STK32B: variants seen among roughly 807,000 people sequenced by gnomAD.
The protein encoded by STK32B is serine/threonine-protein kinase 32B.
STK32B carries 43 observed loss-of-function variants against 52.6 expected under a neutral mutation model. The ratio of observed to expected loss-of-function variants is 0.82; its 90% confidence interval spans 0.64 to 1.05. STK32B has a LOEUF of 1.05. Ranked by LOEUF, STK32B falls within the 50% of genes least tolerant of loss-of-function variation. STK32B has a pLI of 0.00. For missense variants in STK32B, 621 were observed against 534.6 expected, an observed-to-expected ratio of 1.16 and a Z score of -1.59; for synonymous variants, 238 against 204.3, an observed-to-expected ratio of 1.17 and a Z score of -1.41.
intron 3 of STK32B, among the ~76,000 whole-genome samples, chr4:5,301,767 T>C (rs1729574984): frequency 6.7e-6 from 1 of 148,526 alleles, no homozygotes; most frequent in Non-Finnish European, 1.5e-5. Context: ...TTGAAAACTG[T>C]TAGTTTATCT....
chr4:5,186,082 G>C (rs1225522627), intron 3 of STK32B, among the ~76,000 whole-genome samples: 1 of 152,068 alleles, frequency 6.6e-6, no homozygotes, highest in African/African-American at 2.4e-5. Context: ...CTATTCACTG[G>C]GCTCTTATTG....
At chr4:5,259,342 G>A (rs527732522) in intron 3 of STK32B, among the ~76,000 whole-genome samples, 5 of 152,332 alleles carry the variant, frequency 3.3e-5, no homozygotes, top group African/African-American at 9.6e-5. Flanking sequence ...TAGGTGCTCA[G>A]AAAGTTCATG....
intron 11 of STK32B, 114 bp downstream of exon 11, chr4:5,468,184 G>T: frequency 9.4e-7 from 1 of 1,067,570 alleles, no homozygotes; most frequent in Non-Finnish European, 1.4e-6. Context: ...AAAAGGGAAG[G>T]TATCGCTGAG....
intron 1 of STK32B, among the ~76,000 whole-genome samples, chr4:5,072,657 T>G (rs1711851774): frequency 6.6e-6 from 1 of 152,140 alleles, no homozygotes; most frequent in African/African-American, 2.4e-5. Flanking sequence ...AACTCAGCAT[T>G]TGATCTACCT....
intron 3 of STK32B, among the ~76,000 whole-genome samples, chr4:5,315,316 G>A (rs1730593317): frequency 6.6e-6 from 1 of 152,254 alleles, no homozygotes; most frequent in Non-Finnish European, 1.5e-5. Flanking sequence ...CTTAAAAATA[G>A]TGATAACATC....
chr4:5,311,914 A>ATATATATT (rs143725868), intron 3 of STK32B, among the ~76,000 whole-genome samples: 20 of 145,478 alleles, frequency 1.4e-4, no homozygotes, highest in African/African-American at 4.9e-4. Context: ...ATATATATAT[A>ATATATATT]TTTTTTTTTA....
At chr4:5,483,986 C>G (rs1010154609) in intron 11 of STK32B, among the ~76,000 whole-genome samples, 7 of 152,106 alleles carry the variant, frequency 4.6e-5, no homozygotes, top group African/African-American at 1.7e-4. Flanking sequence ...TTTACATTTG[C>G]TGAGGAGTGC....
intron 7 of STK32B, among the ~76,000 whole-genome samples, chr4:5,447,604 C>G (rs552293031): frequency 6.6e-6 from 1 of 152,332 alleles, no homozygotes; most frequent in East Asian, 1.9e-4. Context: ...CCACTGCACT[C>G]TAGCCTAGGT....
At chr4:5,326,034 T>C (rs1440117916) in intron 3 of STK32B, among the ~76,000 whole-genome samples, 1 of 152,176 alleles carries the variant, frequency 6.6e-6, no homozygotes, top group Non-Finnish European at 1.5e-5. Flanking sequence ...TTGCTTAAAA[T>C]ATTGTTCTCT....
intron 6 of STK32B, among the ~76,000 whole-genome samples, chr4:5,436,326 T>C (rs1303476771): frequency 6.6e-6 from 1 of 152,208 alleles, no homozygotes; most frequent in East Asian, 1.9e-4. Context: ...ATAATCCCTA[T>C]GCCACCAAAA....
At chr4:5,448,965 C>T (rs968020337) in intron 7 of STK32B, among the ~76,000 whole-genome samples, 1 of 152,132 alleles carries the variant, frequency 6.6e-6, no homozygotes, top group Non-Finnish European at 1.5e-5. Context: ...AGTTATCCCC[C>T]CTCTTGGAAT....
chr4:5,152,532 G>T (rs770842234), intron 2 of STK32B, among the ~76,000 whole-genome samples: 1 of 152,230 alleles, frequency 6.6e-6, no homozygotes. Context: ...GCCAATAAAG[G>T]GTTTCTGATC....
At chr4:5,159,505 A>AAT (rs1180485199) in intron 2 of STK32B, among the ~76,000 whole-genome samples, 2 of 144,374 alleles carry the variant, frequency 1.4e-5, no homozygotes, top group Admixed American at 7.2e-5. Context: ...TATATATATG[A>AAT]ATATATATAT....
chr4:5,110,282 A>ACCCCCC (rs1342871812), intron 1 of STK32B, among the ~76,000 whole-genome samples: 33 of 148,716 alleles, frequency 2.2e-4, no homozygotes, highest in African/African-American at 8.2e-4. Context: ...CAAAAAAAAA[A>ACCCCCC]AAAAAAAAGC....
chr4:5,446,459 G>C (rs547368013), intron 6 of STK32B, among the ~76,000 whole-genome samples: 1 of 151,854 alleles, frequency 6.6e-6, no homozygotes, highest in South Asian at 2.1e-4. Context: ...TCAGCTGCTC[G>C]GCAGGCTGAG....
At chr4:5,304,189 G>A (rs534657709) in intron 3 of STK32B, among the ~76,000 whole-genome samples, 33 of 151,976 alleles carry the variant, frequency 2.2e-4, no homozygotes, top group Non-Finnish European at 3.7e-4. Context: ...ATGAATTTTA[G>A]GATTGTTTTC....
chr4:5,164,176 G>T lies in STK32B; in HGVS notation c.109-4123G>T, dbSNP rs141589527. Among the ~76,000 whole-genome samples, 249 of 152,250 alleles carry T rather than the reference G, an allele frequency of 1.6e-3. 1 individual carries two copies. Among genetic ancestry groups the T allele is most frequent in the African/African-American group, 5.7e-3 (235 of 41,542 alleles). ...AATTTATTATCTTACAGTTTCGAAG[G>T]CCAGAAGTCTTGAATCCAGCTGTGG... On this transcript the variant is annotated intron_variant, in intron 2 of 11. Transcript: ENST00000282908.
chr4:5,194,752 C>T (rs971149751), intron 3 of STK32B, among the ~76,000 whole-genome samples: 1 of 152,202 alleles, frequency 6.6e-6, no homozygotes, highest in African/African-American at 2.4e-5. Context: ...GCTGCTTCTG[C>T]TTCTGAGGAG....
chr4:5,427,148 C>T (rs1004862877), intron 6 of STK32B, among the ~76,000 whole-genome samples: 1 of 152,146 alleles, frequency 6.6e-6, no homozygotes, highest in African/African-American at 2.4e-5. Context: ...CTAAATCTGT[C>T]GAGATAATCC....
Sources: gnomAD v4.1 joint callset for allele counts (sites outside exome capture counted in the v4.1 genomes callset) on GRCh38, gnomAD v4.1.1 for gene constraint, MANE v1.5 for transcripts, NCBI Gene and HGNC (gene_info 2026-07-23, HGNC 2026-07-21) for gene names.